The following ZBTB1 variants were observed in gnomAD, a reference collection of about 807,000 sequenced individuals.
ZBTB1 encodes zinc finger and BTB domain-containing protein 1.
Under a neutral mutation model 51.6 loss-of-function variants are expected in ZBTB1, and 13 were observed. The ratio of observed to expected loss-of-function variants is 0.25; its 90% confidence interval spans 0.16 to 0.40. The LOEUF (loss-of-function observed/expected upper bound fraction) is 0.40. Ranked by LOEUF, ZBTB1 falls within the 10% of genes least tolerant of loss-of-function variation. ZBTB1 has a pLI of 1.00. For synonymous variants in ZBTB1, 240 were observed against 282.2 expected (o/e 0.85, Z 1.50); for missense variants, 567 against 856.5 (o/e 0.66, Z 4.22).
chr14:64,516,761 A>T (rs2079790972), intron 1 of ZBTB1: 1 of 152,242 alleles, frequency 6.6e-6, no homozygotes, highest in Admixed American at 6.5e-5. Context: ...GGTAGTCAGT[A>T]AATGTTTGTT....
chr14:64,531,920 A>T lies in ZBTB1; in HGVS notation c.*23A>T, dbSNP rs764435221. On this transcript the variant is annotated 3_prime_UTR_variant, in exon 3 of 3. Transcript: ENST00000358738. ...TGAGAGATCTGAATTTGGAGAGGAC[A>T]TGGGGAAGAATCAATCTTCAACAGA... 17 of 1,613,164 alleles carry T rather than the reference A, an allele frequency of 1.1e-5. No individual in the cohort carries two copies. In the East Asian group the frequency reaches 3.6e-4, roughly 34 times the overall value.
exon 3 of ZBTB1, chr14:64,532,032 A>C: frequency 9.3e-7 from 1 of 1,071,952 alleles, no homozygotes; most frequent in Non-Finnish European, 1.3e-6. Flanking sequence ...CAACCCAAAA[A>C]GTTCCAGTTG....
downstream of ZBTB1, among the ~76,000 whole-genome samples, chr14:64,525,439 A>T (rs2079896819): frequency 6.6e-6 from 1 of 152,246 alleles, no homozygotes; most frequent in Non-Finnish European, 1.5e-5. Context: ...TATGTATATT[A>T]CTGATAGGAA....
chr14:64,525,513 A>G (rs1334197744), downstream of ZBTB1, among the ~76,000 whole-genome samples: 1 of 152,194 alleles, frequency 6.6e-6, no homozygotes, highest in Non-Finnish European at 1.5e-5. Flanking sequence ...AGATAAACCA[A>G]GTTTCCAAAC....
At chr14:64,511,908 GT>G (rs1001630039) in intron 1 of ZBTB1, among the ~76,000 whole-genome samples, 3 of 152,234 alleles carry the variant, frequency 2.0e-5, no homozygotes, top group Non-Finnish European at 2.9e-5. Flanking sequence ...GTAGGCTGCA[GT>G]TAGAGTAGTA....
intron 1 of ZBTB1, among the ~76,000 whole-genome samples, chr14:64,506,545 C>T (rs1566628950): frequency 6.6e-6 from 1 of 150,402 alleles, no homozygotes; most frequent in Non-Finnish European, 1.5e-5. Flanking sequence ...AAAAAACAAA[C>T]AACAACAACA....
At chr14:64,513,295 C>T (rs1375484659) in intron 1 of ZBTB1, among the ~76,000 whole-genome samples, 9 of 152,080 alleles carry the variant, frequency 5.9e-5, no homozygotes, top group Non-Finnish European at 2.9e-5. Context: ...ATATACATCT[C>T]CCTATACATC....
chr14:64,509,684 A>T (rs1197799832), intron 1 of ZBTB1, among the ~76,000 whole-genome samples: 1 of 151,934 alleles, frequency 6.6e-6, no homozygotes, highest in African/African-American at 2.4e-5. Flanking sequence ...AATGTGTAGG[A>T]TCTGGCCGGG....
At chr14:64,506,354 G>A (rs1173280272) in intron 1 of ZBTB1, among the ~76,000 whole-genome samples, 3 of 152,136 alleles carry the variant, frequency 2.0e-5, no homozygotes, top group African/African-American at 7.2e-5. Flanking sequence ...CCAACATGGC[G>A]AAACCCCATC....
chr14:64,521,954 T>G lies in ZBTB1; in HGVS notation c.450T>G (p.Ala150=). ...TAAGAATGTATGAAGATACTGTGGCTCGAAATGGCAATGAAGCCAACAGGT... is the reference window on the plus strand; with the variant it reads ...TAAGAATGTATGAAGATACTGTGGCGCGAAATGGCAATGAAGCCAACAGGT... ...FGVRMYEDTV[A]RNGNEANRWC... is the part of the protein sequence containing the mutation. Residue 150 remains alanine (A), a synonymous_variant, in exon 2 of 2, where the codon GCT becomes GCG. Coordinates refer to ENST00000683701, the MANE Select transcript of ZBTB1 (RefSeq NM_001123329.2). The G allele has an allele frequency of 6.2e-7, 1 of 1,614,196 alleles. No homozygotes were observed. Among genetic ancestry groups the G allele is most frequent in the Non-Finnish European group, 8.5e-7 (1 of 1,180,034 alleles).
chr14:64,516,347 T>C (rs2079785612), intron 1 of ZBTB1, among the ~76,000 whole-genome samples: 1 of 152,256 alleles, frequency 6.6e-6, no homozygotes, highest in African/African-American at 2.4e-5. Context: ...CAATGATTGC[T>C]ATTATAAGTT....
chr14:64,505,047 AT>A (rs1452587222), intron 1 of ZBTB1, 101 bp downstream of exon 1: 1 of 375,722 alleles, frequency 2.7e-6, no homozygotes, highest in African/African-American at 2.1e-5. Context: ...AGGGGCGCCG[AT>A]CCGTGCGGGG....
rs907627278 is a variant in ZBTB1, at chr14:64,519,356, G to T, written c.-18-2131G>T. ...GTAGAGACAGGTTTTCACCGTGTTGGCCAGGCTGGTCTCGAACTCCTGACC... is the reference window on the plus strand; with the variant it reads ...GTAGAGACAGGTTTTCACCGTGTTGTCCAGGCTGGTCTCGAACTCCTGACC... On this transcript the variant is annotated intron_variant, in intron 1 of 1. Coordinates refer to ENST00000683701, the MANE Select transcript of ZBTB1 (RefSeq NM_001123329.2). Among the ~76,000 whole-genome samples, 4 of 151,248 alleles carry T rather than the reference G, an allele frequency of 2.6e-5. No homozygotes were observed. In the East Asian group the frequency reaches 5.9e-4, roughly 22 times the overall value.
In ZBTB1 at chr14:64,523,772, T is replaced by G; in HGVS notation, c.*126T>G. The stretch of plus-strand genomic sequence containing the variant: ...AAACAAATTTCAAGGCCCTTTTAAC[T>G]TTAATATTTTTGTTTAGGATTTTAA... On this transcript the variant is annotated 3_prime_UTR_variant, in exon 2 of 2. Coordinates refer to ENST00000683701, the MANE Select transcript of ZBTB1 (RefSeq NM_001123329.2). The surrounding 1 kb of genome is among the most constrained non-coding windows in gnomAD (Gnocchi z 4.5). 7.3e-7 allele frequency: 1 copy of G among 1,366,244 alleles called. No homozygotes were observed. Among genetic ancestry groups the G allele is most frequent in the Non-Finnish European group, 9.5e-7 (1 of 1,055,784 alleles). 84.6% of individuals were successfully genotyped at this position (1,366,244 alleles called of 1,614,324 possible).
Position 64,523,200 on chromosome 14 carries a change from A to G in ZBTB1, c.1696A>G (p.Ile566Val). The G allele has an allele frequency of 1.2e-6, 2 of 1,614,226 alleles. No individual in the cohort carries two copies. The highest frequency in any genetic ancestry group is 1.7e-6 in the Non-Finnish European group (2 of 1,180,024). The change falls in exon 2 of 2, where the codon ATC becomes GTC. Residue 566 changes from isoleucine to valine, a missense_variant. Transcript: ENST00000683701. This position sits in a 1 kb window ranked among gnomAD's most constrained non-coding sequence, Gnocchi z 4.5. ...AGATCAAGATATGTTTAAGAGTGCC[A>G]TCATGGAAGAAAATGAAAGAGATCA... ...CLDQDMFKSA[I>V]MEENERDHRR... is the part of the protein sequence containing the mutation.
At chr14:64,513,159 TACAC>T (rs961236723) in intron 1 of ZBTB1, among the ~76,000 whole-genome samples, 1 of 152,078 alleles carries the variant, frequency 6.6e-6, no homozygotes, top group Non-Finnish European at 1.5e-5. Flanking sequence ...TATGCACACA[TACAC>T]ACATACATGT....
chr14:64,526,916 GCA>G (rs1566638029), downstream of ZBTB1, among the ~76,000 whole-genome samples: 1 of 151,896 alleles, frequency 6.6e-6, no homozygotes, highest in Non-Finnish European at 1.5e-5. Context: ...ATGGTGGCAT[GCA>G]GCTGTAGTCC....
chr14:64,510,036 C>G (rs2079708792), intron 1 of ZBTB1, among the ~76,000 whole-genome samples: 3 of 152,000 alleles, frequency 2.0e-5, no homozygotes, highest in Admixed American at 2.0e-4. Flanking sequence ...GGTAATCCCT[C>G]CCATCATCAT....
intron 1 of ZBTB1, among the ~76,000 whole-genome samples, chr14:64,517,994 C>T (rs757795596): frequency 3.3e-5 from 5 of 151,108 alleles, no homozygotes; most frequent in East Asian, 1.9e-4. Flanking sequence ...CCACCACGCC[C>T]GGCTAATTTT....
Sources: allele counts gnomAD v4.1 joint callset (sites outside exome capture counted in the v4.1 genomes callset), GRCh38; gene constraint gnomAD v4.1.1; non-coding constraint Gnocchi (gnomAD v3.1); transcripts MANE v1.5; gene names NCBI Gene and HGNC (gene_info 2026-07-23, HGNC 2026-07-21).